The following PDGFC variants were observed in gnomAD, a reference collection of about 807,000 sequenced individuals.
The protein encoded by PDGFC is platelet-derived growth factor C.
PDGFC carries 12 observed loss-of-function variants against 35.5 expected under a neutral mutation model. The observed-to-expected ratio is 0.34, with a 90% confidence interval of 0.22 to 0.55. PDGFC has a LOEUF of 0.55. Among genes scored for constraint, PDGFC ranks in the 20% least tolerant of loss-of-function variants. The probability of loss-of-function intolerance (pLI) is 0.91; values close to 1 mark genes in which losing one functional copy is unlikely to be tolerated. For synonymous variants in PDGFC, 159 were observed against 148.8 expected (o/e 1.07, Z -0.50); for missense variants, 322 against 412.4 (o/e 0.78, Z 1.90).
At chr4:156,881,887 T>C (rs1730252855) in intron 1 of PDGFC, among the ~76,000 whole-genome samples, 2 of 151,564 alleles carry the variant, frequency 1.3e-5, no homozygotes, top group Non-Finnish European at 2.9e-5. Flanking sequence ...CTTTGCTTGC[T>C]GCCATCCATG....
intron 2 of PDGFC, among the ~76,000 whole-genome samples, chr4:156,832,904 A>G (rs1242063512): frequency 6.6e-6 from 1 of 152,058 alleles, no homozygotes; most frequent in African/African-American, 2.4e-5. Context: ...GACTACTTAT[A>G]CTTTTCAGTT....
chr4:156,953,896 A>G (rs550307822), intron 1 of PDGFC, among the ~76,000 whole-genome samples: 1 of 152,084 alleles, frequency 6.6e-6, no homozygotes. Context: ...GCACAAAACC[A>G]TTCTCTATCC....
At chr4:156,908,692 C>G (rs1343151765) in intron 1 of PDGFC, among the ~76,000 whole-genome samples, 1 of 152,130 alleles carries the variant, frequency 6.6e-6, no homozygotes, top group Non-Finnish European at 1.5e-5. Flanking sequence ...GCTACCTAAA[C>G]CTACCATACA....
intron 1 of PDGFC, chr4:156,874,046 A>G (rs1730050430): frequency 6.6e-6 from 1 of 152,202 alleles, no homozygotes; most frequent in Admixed American, 6.5e-5. Context: ...ATATGCATAT[A>G]TCATCATGTG....
At chr4:156,821,160 G>C (rs1022293947) in intron 2 of PDGFC, among the ~76,000 whole-genome samples, 1 of 144,790 alleles carries the variant, frequency 6.9e-6, no homozygotes, top group Admixed American at 6.8e-5. Context: ...AAGGAATGTT[G>C]CCTGTTGTAT....
chr4:156,967,026 C>CTT (rs377133242), intron 1 of PDGFC, among the ~76,000 whole-genome samples: 156 of 136,932 alleles, frequency 1.1e-3, no homozygotes, highest in Non-Finnish European at 1.4e-3. Context: ...GAAGTTTTTT[C>CTT]TTTTTTTTTT....
intron 1 of PDGFC, among the ~76,000 whole-genome samples, chr4:156,928,672 T>G (rs1194366020): frequency 2.6e-5 from 4 of 152,216 alleles, no homozygotes; most frequent in Non-Finnish European, 4.4e-5. Flanking sequence ...TGAATTTAAA[T>G]CCATTGCTTC....
At chr4:156,925,509 TA>T (rs1731386983) in intron 1 of PDGFC, among the ~76,000 whole-genome samples, 7 of 152,104 alleles carry the variant, frequency 4.6e-5, no homozygotes. Flanking sequence ...CGGGTACCTT[TA>T]AGAAGGCAGA....
At chr4:156,929,951 G>C (rs116371331) in intron 1 of PDGFC, among the ~76,000 whole-genome samples, 1 of 152,092 alleles carries the variant, frequency 6.6e-6, no homozygotes, top group Non-Finnish European at 1.5e-5. Context: ...AAAATCTTTG[G>C]GTCACACATG....
intron 2 of PDGFC, among the ~76,000 whole-genome samples, chr4:156,816,941 T>G (rs962315151): frequency 1.3e-5 from 2 of 152,202 alleles, no homozygotes; most frequent in African/African-American, 4.8e-5. Context: ...TTTTAATTAA[T>G]TTGGTAATAT....
intron 1 of PDGFC, among the ~76,000 whole-genome samples, chr4:156,864,329 A>G (rs1370019537): frequency 2.6e-5 from 4 of 152,176 alleles, no homozygotes; most frequent in Non-Finnish European, 5.9e-5. Flanking sequence ...TCTATGGAAT[A>G]GAGTTATATT....
intron 1 of PDGFC, among the ~76,000 whole-genome samples, chr4:156,913,472 A>G (rs1282835974): frequency 6.6e-6 from 1 of 152,242 alleles, no homozygotes; most frequent in Non-Finnish European, 1.5e-5. Flanking sequence ...GTGACAACCA[A>G]TGAACTACGG....
chr4:156,927,967 C>T (rs1731454151), intron 1 of PDGFC, among the ~76,000 whole-genome samples: 1 of 152,058 alleles, frequency 6.6e-6, no homozygotes, highest in Non-Finnish European at 1.5e-5. Context: ...CTGAGGAGGC[C>T]TCAGAATCAT....
At chr4:156,843,427 G>A (rs1418585534) in intron 2 of PDGFC, among the ~76,000 whole-genome samples, 2 of 152,326 alleles carry the variant, frequency 1.3e-5, no homozygotes, top group East Asian at 1.9e-4. Context: ...ATGTGCTCCA[G>A]CACAGATGGG....
intron 1 of PDGFC, among the ~76,000 whole-genome samples, chr4:156,914,272 T>G (rs770910424): frequency 2.0e-5 from 3 of 152,050 alleles, no homozygotes; most frequent in Non-Finnish European, 2.9e-5. Flanking sequence ...CAGAACCAAG[T>G]GTGCTTCTAT....
intron 1 of PDGFC, among the ~76,000 whole-genome samples, chr4:156,860,151 A>G (rs907969904): frequency 9.9e-5 from 15 of 152,176 alleles, no homozygotes; most frequent in African/African-American, 3.6e-4. Flanking sequence ...TCTGTTAGCA[A>G]GGTGAGATTA....
chr4:156,835,316 T>C (rs141521454), intron 2 of PDGFC, among the ~76,000 whole-genome samples: 1 of 152,312 alleles, frequency 6.6e-6, no homozygotes, highest in Non-Finnish European at 1.5e-5. Context: ...AGGGAACTCC[T>C]ATTCAATATT....
At chr4:156,859,861 G>A (rs1290179392) in intron 1 of PDGFC, among the ~76,000 whole-genome samples, 2 of 151,916 alleles carry the variant, frequency 1.3e-5, no homozygotes, top group Non-Finnish European at 2.9e-5. Context: ...CCACCTCAGT[G>A]CACATTATTT....
rs1730393180 is a variant in PDGFC, at chr4:156,762,171, T to A, written c.*919A>T. 2 of 152,666 alleles carry A rather than the reference T, an allele frequency of 1.3e-5. No individual in the cohort carries two copies. The allele number at this position is 152,666 out of a possible 1,614,324, so 9.5% of individuals were successfully genotyped here. On this transcript the variant is annotated 3_prime_UTR_variant, in exon 6 of 6. Coordinates refer to ENST00000502773, the MANE Select transcript of PDGFC (RefSeq NM_016205.3). ...TAGCACCATACGAGAATGAAATACA[T>A]GTATTTTTGTCAGAGCAACAATATT...
Sources: allele counts gnomAD v4.1 joint callset (sites outside exome capture counted in the v4.1 genomes callset), GRCh38; gene constraint gnomAD v4.1.1; transcripts MANE v1.5; gene names NCBI Gene and HGNC (gene_info 2026-07-23, HGNC 2026-07-21).